DCC: variants seen among roughly 807,000 people sequenced by gnomAD.
DCC encodes netrin receptor DCC.
In DCC, 58 loss-of-function variants were observed where a neutral mutation model predicts 172.5. That is an observed-to-expected ratio of 0.34 (90% CI 0.27 to 0.42). The LOEUF is 0.42. DCC is among the 10% of genes least tolerant of loss of function. The probability of loss-of-function intolerance (pLI) is 1.00; values close to 1 mark genes in which losing one functional copy is unlikely to be tolerated. For missense variants in DCC, 1,740 were observed against 1,791.0 expected (o/e 0.97, Z 0.51); for synonymous variants, 709 against 644.5 (o/e 1.10, Z -1.52).
chr18:53,177,249 G>T (rs1259423802), intron 8 of DCC, among the ~76,000 whole-genome samples: 2 of 151,960 alleles, frequency 1.3e-5, no homozygotes, highest in African/African-American at 4.8e-5. Context: ...GTTAGTGGGT[G>T]CAGTGCACCA....
intron 1 of DCC, among the ~76,000 whole-genome samples, chr18:52,512,630 G>T (rs985756352): frequency 1.3e-5 from 2 of 152,138 alleles, no homozygotes; most frequent in South Asian, 4.1e-4. Context: ...AATTATGAGC[G>T]CTTAGTATTC....
chr18:52,583,273 G>C (rs2033595195), intron 1 of DCC, among the ~76,000 whole-genome samples: 1 of 152,146 alleles, frequency 6.6e-6, no homozygotes, highest in Non-Finnish European at 1.5e-5. Context: ...AAAAACACTG[G>C]AGAGAAGTAT....
At chr18:53,049,593 A>T (rs998198925) in intron 5 of DCC, among the ~76,000 whole-genome samples, 1 of 152,036 alleles carries the variant, frequency 6.6e-6, no homozygotes, top group Non-Finnish European at 1.5e-5. Context: ...GTAGCCTTGT[A>T]GTATAGTTAG....
rs370566367 is a variant in DCC at position 53,452,525 on chromosome 18, T to G, written c.3392+1863T>G. On this transcript the variant is annotated intron_variant, in intron 23 of 28. Coordinates refer to ENST00000442544, the MANE Select transcript of DCC (RefSeq NM_005215.4). Reference sequence around the variant, plus strand: ...GCAAAAGTGGGATTTGGTGCCATGTTGAGAAAATCTCCAGTCATCTTAAAT... The same window carrying G: ...GCAAAAGTGGGATTTGGTGCCATGTGGAGAAAATCTCCAGTCATCTTAAAT... Among the ~76,000 whole-genome samples the G allele has an allele frequency of 8.5e-5, 13 of 152,332 alleles. 1 individual carries two copies. The East Asian group carries it at 1.2e-3, about 14-fold the overall frequency.
At chr18:52,697,631 T>C (rs2036036054) in intron 1 of DCC, among the ~76,000 whole-genome samples, 1 of 152,208 alleles carries the variant, frequency 6.6e-6, no homozygotes. Flanking sequence ...TTTCAGGGAA[T>C]GCTTTCTGAC....
chr18:52,517,141 T>C, intron 1 of DCC, among the ~76,000 whole-genome samples: 1 of 152,188 alleles, frequency 6.6e-6, no homozygotes, highest in East Asian at 1.9e-4. Context: ...ACCTCCGACT[T>C]TCAATAGAGG....
chr18:52,602,255 C>G (rs1368334813), intron 1 of DCC, among the ~76,000 whole-genome samples: 2 of 151,964 alleles, frequency 1.3e-5, no homozygotes, highest in African/African-American at 4.8e-5. Flanking sequence ...AAATAGAAAG[C>G]CTTGATTTGT....
chr18:53,008,997 ACC>A (rs2041687450), intron 5 of DCC, among the ~76,000 whole-genome samples: 1 of 151,960 alleles, frequency 6.6e-6, no homozygotes, highest in Non-Finnish European at 1.5e-5. Context: ...TAAAAAGTAG[ACC>A]TGAACATTTA....
At chr18:52,957,859 C>A (rs1014725380) in intron 5 of DCC, among the ~76,000 whole-genome samples, 1 of 152,058 alleles carries the variant, frequency 6.6e-6, no homozygotes, top group African/African-American at 2.4e-5. Context: ...TTGCAAACTA[C>A]CTTAAGAACA....
intron 14 of DCC, among the ~76,000 whole-genome samples, chr18:53,322,452 G>T (rs1285840790): frequency 6.6e-6 from 1 of 151,964 alleles, no homozygotes; most frequent in African/African-American, 2.4e-5. Context: ...ATTTTATTTT[G>T]AATAACTGAC....
chr18:53,029,376 C>T (rs1203854363), intron 5 of DCC, among the ~76,000 whole-genome samples: 2 of 152,176 alleles, frequency 1.3e-5, no homozygotes, highest in Non-Finnish European at 2.9e-5. Context: ...AATGCAATGG[C>T]ATACAATAAA....
At chr18:53,110,917 A>G (rs1416718044) in intron 7 of DCC, among the ~76,000 whole-genome samples, 1 of 124,716 alleles carries the variant, frequency 8.0e-6, no homozygotes, top group African/African-American at 3.1e-5. Flanking sequence ...CCAAAGGACT[A>G]TAAATCATGC....
intron 1 of DCC, among the ~76,000 whole-genome samples, chr18:52,451,702 G>A (rs1988310943): frequency 6.6e-6 from 1 of 152,146 alleles, no homozygotes. Flanking sequence ...GTGTGTGTGT[G>A]TGTGTACCTA....
intron 2 of DCC, among the ~76,000 whole-genome samples, chr18:52,790,286 T>C (rs1174627521): frequency 3.6e-4 from 55 of 152,214 alleles, no homozygotes; most frequent in Admixed American, 3.5e-3. Flanking sequence ...GCCTAACATA[T>C]GTTTTCTTTT....
At chr18:53,356,131 T>C (rs1295590147) in intron 15 of DCC, among the ~76,000 whole-genome samples, 1 of 152,118 alleles carries the variant, frequency 6.6e-6, no homozygotes, top group Non-Finnish European at 1.5e-5. Flanking sequence ...CATGGCTCAC[T>C]GCAGCCTCAA....
intron 8 of DCC, among the ~76,000 whole-genome samples, chr18:53,168,056 A>G (rs1395659091): frequency 2.6e-5 from 4 of 152,188 alleles, no homozygotes; most frequent in African/African-American, 9.6e-5. Context: ...TTAAAAAGTC[A>G]GGAAACAACA....
At chr18:52,572,282 T>C (rs2144760681) in intron 1 of DCC, among the ~76,000 whole-genome samples, 1 of 152,290 alleles carries the variant, frequency 6.6e-6, no homozygotes, top group Non-Finnish European at 1.5e-5. Flanking sequence ...CGTGGGACAC[T>C]GTGGGCTACA....
intron 1 of DCC, among the ~76,000 whole-genome samples, chr18:52,442,763 G>T (rs568392735): frequency 1.4e-4 from 21 of 152,278 alleles, no homozygotes; most frequent in Admixed American, 3.9e-4. Flanking sequence ...CAAATATAAA[G>T]ATCCAGACAT....
At position 53,307,893 on chromosome 18, in the gene DCC, GTATGTATATATATATATATATATATATA is replaced by G. The variant is rs1186004648; in HGVS notation, c.2053+2178_2053+2205del. ...AACCCTTCTGGAAAGCAATGTGTGT[GTATGTATATATATATATATATATATATA>G]TATATATATATATATATATATATAT... On this transcript the variant is annotated intron_variant, in intron 13 of 28. Coordinates refer to ENST00000442544, the MANE Select transcript of DCC (RefSeq NM_005215.4). 8.2e-5 allele frequency among the ~76,000 whole-genome samples: 8 copies of G among 97,560 alleles called. 1 individual carries two copies. Among genetic ancestry groups the G allele is most frequent in the Non-Finnish European group, 1.5e-4 (8 of 54,138 alleles). The allele number at this position is 97,560 out of a possible 152,430, so 64.0% of individuals were successfully genotyped here.
Sources: allele counts gnomAD v4.1 joint callset (sites outside exome capture counted in the v4.1 genomes callset), GRCh38; gene constraint gnomAD v4.1.1; transcripts MANE v1.5; gene names NCBI Gene and HGNC (gene_info 2026-07-23, HGNC 2026-07-21).